The following TRERF1 variants were observed in gnomAD, a reference collection of about 807,000 sequenced individuals.
The protein encoded by TRERF1 is transcriptional-regulating factor 1.
TRERF1 carries 27 observed loss-of-function variants against 122.9 expected under a neutral mutation model. The observed-to-expected ratio is 0.22, with a 90% CI of 0.16 to 0.30. TRERF1 has a LOEUF of 0.30. TRERF1 is among the 10% of genes least tolerant of loss of function. The pLI is 1.00. For synonymous variants in TRERF1, 636 were observed against 641.7 expected, an observed-to-expected ratio of 0.99 and a Z score of 0.13; for missense variants, 1,248 against 1,560.3, an observed-to-expected ratio of 0.80 and a Z score of 3.37.
intron 13 of TRERF1, among the ~76,000 whole-genome samples, chr6:42,250,707 A>G (rs1775600809): frequency 6.6e-6 from 1 of 152,098 alleles, no homozygotes; most frequent in African/African-American, 2.4e-5. Context: ...CTATTGGGCT[A>G]TTACCAGCAG....
Position 42,268,854 on chromosome 6 carries a change from T to C in TRERF1, c.737A>G (p.Gln246Arg), listed in dbSNP as rs1582702765. 1.2e-6 allele frequency: 2 copies of C among 1,614,148 alleles called. No homozygotes were observed. Among genetic ancestry groups the C allele is most frequent in the Non-Finnish European group, 1.7e-6 (2 of 1,180,014 alleles). ...TGGGGCCTGCAGTGGCTGTCCTCCC[T>C]GCACTGGCACCTGAGCCAGAGGCTG... The change falls in exon 5 of 18, where the codon CAG becomes CGG. Residue 246 changes from glutamine to arginine, a missense_variant. Transcript: ENST00000372922. This position sits in a 1 kb window ranked among gnomAD's most constrained non-coding sequence, Gnocchi z 4.4.
At chr6:42,365,482 C>T (rs1581808429) in intron 2 of TRERF1, among the ~76,000 whole-genome samples, 1 of 152,190 alleles carries the variant, frequency 6.6e-6, no homozygotes, top group Non-Finnish European at 1.5e-5. Flanking sequence ...CTCCACTCCC[C>T]TAATCCCTCC....
intron 5 of TRERF1, among the ~76,000 whole-genome samples, chr6:42,266,417 G>A (rs1464948556): frequency 1.3e-5 from 2 of 152,086 alleles, no homozygotes; most frequent in African/African-American, 4.8e-5. Context: ...TCGAACTCCT[G>A]GGCTCAAGTG....
At chr6:42,273,484 G>A (rs34671002) in intron 4 of TRERF1, among the ~76,000 whole-genome samples, 5,021 of 152,208 alleles carry the variant, frequency 0.033, 82 homozygotes, top group Non-Finnish European at 0.037. Context: ...AAGTTCTTAC[G>A]TTCTCATGAA....
exon 18 of TRERF1, chr6:42,226,094 A>C (rs1470463113): frequency 6.6e-6 from 1 of 152,258 alleles, no homozygotes; most frequent in Non-Finnish European, 1.5e-5. Flanking sequence ...AAGAAATACT[A>C]ATTCAGGAAT....
At chr6:42,238,863 ACACACAC>A (rs1561800587) in intron 15 of TRERF1, among the ~76,000 whole-genome samples, 65 of 150,484 alleles carry the variant, frequency 4.3e-4, no homozygotes, top group African/African-American at 1.4e-3. Context: ...ACACACACAC[ACACACAC>A]AATTTCTAGT....
chr6:42,406,763 C>A (rs575194137), intron 2 of TRERF1, among the ~76,000 whole-genome samples: 2 of 151,888 alleles, frequency 1.3e-5, no homozygotes, highest in East Asian at 1.9e-4. Flanking sequence ...TTACCCCCCA[C>A]CCCCCTCCTC....
At chr6:42,255,206 C>T (rs1776512710) in intron 12 of TRERF1, among the ~76,000 whole-genome samples, 2 of 152,194 alleles carry the variant, frequency 1.3e-5, no homozygotes, top group Non-Finnish European at 2.9e-5. Flanking sequence ...CCCACCCGCC[C>T]CAGAGATGAG....
Position 42,377,370 on chromosome 6 carries a change from C to T in TRERF1, c.-453-14291G>A, listed in dbSNP as rs534869345. On this transcript the variant is annotated intron_variant, in intron 2 of 17. Coordinates refer to ENST00000372922, the Ensembl canonical transcript of TRERF1. ...TTCTCCTGACAGCTGCTTTCTATCT[C>T]TACAGATTTGCCCATTCCGGACATT... is the stretch of plus-strand genomic sequence containing the variant. Among the ~76,000 whole-genome samples the T allele has an allele frequency of 3.7e-4, 56 of 152,304 alleles. 1 individual carries two copies. The highest frequency in any genetic ancestry group is 3.9e-4 in the Admixed American group (6 of 15,296).
At chr6:42,247,289 A>C (rs114034518) in intron 13 of TRERF1, among the ~76,000 whole-genome samples, 1,606 of 152,332 alleles carry the variant, frequency 0.011, 17 homozygotes, top group South Asian at 0.028. Context: ...TCAGTTGTTC[A>C]TTCAACAGAT....
At chr6:42,332,622 G>A (rs1469826624) in intron 3 of TRERF1, among the ~76,000 whole-genome samples, 1 of 152,152 alleles carries the variant, frequency 6.6e-6, no homozygotes, top group Non-Finnish European at 1.5e-5. Context: ...TCTATAATAG[G>A]ACCTCTCTTC....
intron 2 of TRERF1, among the ~76,000 whole-genome samples, chr6:42,399,884 A>G (rs1779148557): frequency 6.6e-6 from 1 of 152,084 alleles, no homozygotes; most frequent in South Asian, 2.1e-4. Flanking sequence ...ATGGTGTGGT[A>G]GTGAATGGAG....
At chr6:42,431,715 C>G (rs562916473) in intron 2 of TRERF1, among the ~76,000 whole-genome samples, 3 of 152,260 alleles carry the variant, frequency 2.0e-5, no homozygotes, top group African/African-American at 7.2e-5. Flanking sequence ...TCACTCAATA[C>G]ACACCAGGGA....
intron 7 of TRERF1, among the ~76,000 whole-genome samples, chr6:42,264,163 AT>A (rs1264547106): frequency 3.3e-5 from 5 of 152,220 alleles, no homozygotes; most frequent in African/African-American, 1.2e-4. Flanking sequence ...TTCTGAGAAA[AT>A]TTTTTGATTT....
At chr6:42,425,187 CA>C (rs1783414956) in intron 2 of TRERF1, among the ~76,000 whole-genome samples, 2 of 152,218 alleles carry the variant, frequency 1.3e-5, no homozygotes, top group East Asian at 3.9e-4. Context: ...CATGCTTCCT[CA>C]AAAACAATAA....
chr6:42,377,557 T>C (rs1352088541), intron 2 of TRERF1, among the ~76,000 whole-genome samples: 1 of 152,230 alleles, frequency 6.6e-6, no homozygotes, highest in Non-Finnish European at 1.5e-5. Flanking sequence ...ATTTCATTTA[T>C]CCATGAAAAT....
At position 42,326,610 on chromosome 6, in the gene TRERF1, C is replaced by CT. The variant is rs1292107634; in HGVS notation, c.-370-25862dup. Among the ~76,000 whole-genome samples the CT allele has an allele frequency of 2.0e-5, 3 of 152,184 alleles. No individual in the cohort carries two copies. The East Asian group carries it at 5.8e-4, about 29-fold the overall frequency. On this transcript the variant is annotated intron_variant, in intron 3 of 17. Coordinates refer to ENST00000372922, the Ensembl canonical transcript of TRERF1. The stretch of plus-strand genomic sequence containing the variant: ...TGCTCTAAGCTTTGATCATTCCATT[C>CT]TTTATAGCCCATCTCAGGAGAGTGA...
chr6:42,340,809 T>A (rs1767145196), intron 3 of TRERF1, among the ~76,000 whole-genome samples: 1 of 152,216 alleles, frequency 6.6e-6, no homozygotes, highest in African/African-American at 2.4e-5. Context: ...ATTAACATTC[T>A]CAGAGGATTC....
At chr6:42,266,049 G>C (rs145302828) in intron 5 of TRERF1, among the ~76,000 whole-genome samples, 2 of 152,148 alleles carry the variant, frequency 1.3e-5, no homozygotes, top group African/African-American at 4.8e-5. Flanking sequence ...AGCCCACCAG[G>C]ATGCAACTCC....
Sources: gnomAD v4.1 joint callset for allele counts (sites outside exome capture counted in the v4.1 genomes callset) on GRCh38, gnomAD v4.1.1 for gene constraint, Gnocchi (gnomAD v3.1) non-coding constraint, MANE v1.5 for transcripts, NCBI Gene and HGNC (gene_info 2026-07-23, HGNC 2026-07-21) for gene names.